Variants in DAAM1 observed in about 807,000 individuals in gnomAD.
DAAM1 encodes dishevelled associated activator of morphogenesis 1.
In DAAM1, 52 loss-of-function variants were observed where a neutral mutation model predicts 130.0. That is an observed-to-expected ratio of 0.40 (90% CI 0.32 to 0.50). DAAM1 has a LOEUF of 0.50. Among genes scored for constraint, DAAM1 ranks in the 20% least tolerant of loss-of-function variants. DAAM1 has a pLI of 0.61. For synonymous variants in DAAM1, 452 were observed against 444.5 expected (o/e 1.02, Z -0.21); for missense variants, 1,134 against 1,303.8 (o/e 0.87, Z 2.01).
chr14:59,196,660 G>A (rs912706022), intron 1 of DAAM1, among the ~76,000 whole-genome samples: 7 of 152,022 alleles, frequency 4.6e-5, no homozygotes. Flanking sequence ...GGAGAATGGC[G>A]TGAACCCGGG....
Position 59,327,402 on chromosome 14 carries a change from C to CTTTTTTTTTTTTTTTTTTT in DAAM1, c.1372+417_1372+435dup, listed in dbSNP as rs386381493. Reference sequence around the variant, plus strand: ...AAGAGAAGAACAGGTCACTTGGTTTCTTTTTTTTTTTTTTTTTTTTTTTTG... The same window carrying CTTTTTTTTTTTTTTTTTTT: ...AAGAGAAGAACAGGTCACTTGGTTTCTTTTTTTTTTTTTTTTTTTTTTTTTTTTTTTTTTTTTTTTTTTG... On this transcript the variant is annotated intron_variant, in intron 12 of 24. Coordinates refer to ENST00000360909, the MANE Select transcript of DAAM1 (RefSeq NM_001270520.2). Among the ~76,000 whole-genome samples, 161 of 58,986 alleles carry CTTTTTTTTTTTTTTTTTTT rather than the reference C, an allele frequency of 2.7e-3. 31 individuals carry two copies. Among genetic ancestry groups the CTTTTTTTTTTTTTTTTTTT allele is most frequent in the African/African-American group, 3.9e-3 (50 of 12,916 alleles). The allele number at this position is 58,986 out of a possible 152,430, so 38.7% of individuals were successfully genotyped here. A position where few individuals can be genotyped will look rare whatever the true frequency, so the allele number is the denominator to read the frequency against.
At chr14:59,268,787 C>T (rs1187545395) in intron 2 of DAAM1, among the ~76,000 whole-genome samples, 1 of 152,184 alleles carries the variant, frequency 6.6e-6, no homozygotes, top group Non-Finnish European at 1.5e-5. Flanking sequence ...TCCCCTCTCC[C>T]AGTCTTCCTC....
At chr14:59,226,596 G>A (rs1371180516) in intron 1 of DAAM1, among the ~76,000 whole-genome samples, 1 of 152,178 alleles carries the variant, frequency 6.6e-6, no homozygotes, top group Non-Finnish European at 1.5e-5. Context: ...GTCATTCCTT[G>A]TAAAGTCAAT....
intron 1 of DAAM1, among the ~76,000 whole-genome samples, chr14:59,203,353 T>C (rs1424569167): frequency 6.6e-6 from 1 of 152,048 alleles, no homozygotes; most frequent in Non-Finnish European, 1.5e-5. Context: ...GACATATTTG[T>C]GAATCTCCTA....
At chr14:59,258,099 G>A (rs1385604141) in intron 1 of DAAM1, among the ~76,000 whole-genome samples, 1 of 152,152 alleles carries the variant, frequency 6.6e-6, no homozygotes, top group African/African-American at 2.4e-5. Flanking sequence ...AAAGCACACA[G>A]GCATCTTTTC....
intron 1 of DAAM1, among the ~76,000 whole-genome samples, chr14:59,222,091 G>C (rs1888789523): frequency 6.6e-6 from 1 of 152,172 alleles, no homozygotes; most frequent in Non-Finnish European, 1.5e-5. Flanking sequence ...ATGTAACTGA[G>C]TCTTCAGAAG....
At position 59,332,661 on chromosome 14, in the gene DAAM1, A is replaced by C. The variant is rs141185902; in HGVS notation, c.1968+741A>C. ...AGAGGGCATCGTGATACAGCCTCTTAAAGTTAGACCAGAAGAGAACACAGC... is the reference window on the plus strand; with the variant it reads ...AGAGGGCATCGTGATACAGCCTCTTCAAGTTAGACCAGAAGAGAACACAGC... On this transcript the variant is annotated intron_variant, in intron 15 of 24. Transcript: ENST00000360909. 8.9e-3 allele frequency among the ~76,000 whole-genome samples: 1,355 copies of C among 152,318 alleles called. 25 individuals are homozygous for C. Among genetic ancestry groups the C allele is most frequent in the African/African-American group, 0.031 (1,305 of 41,568 alleles).
intron 1 of DAAM1, among the ~76,000 whole-genome samples, chr14:59,198,439 T>C (rs977743636): frequency 2.6e-5 from 4 of 152,154 alleles, no homozygotes; most frequent in Non-Finnish European, 2.9e-5. Context: ...CTCCTGACCT[T>C]GTGATCCGCC....
chr14:59,296,524 A>G (rs761779679), intron 3 of DAAM1, among the ~76,000 whole-genome samples: 19 of 152,206 alleles, frequency 1.2e-4, no homozygotes, highest in Non-Finnish European at 2.4e-4. Context: ...GGAGAAGCAG[A>G]TAGAATCAAA....
Position 59,371,351 on chromosome 14 carries a change from A to G in DAAM1, c.*2492A>G, listed in dbSNP as rs541853570. The stretch of plus-strand genomic sequence containing the variant: ...AAAAGTATGTGTTATGAGACTGTAC[A>G]TGTTTTTTTAAAAATAGCAATATGC... On this transcript the variant is annotated 3_prime_UTR_variant, in exon 25 of 25. Coordinates refer to ENST00000360909, the MANE Select transcript of DAAM1 (RefSeq NM_001270520.2). 23 of 152,228 alleles carry G rather than the reference A, an allele frequency of 1.5e-4. No homozygotes were observed. The highest frequency in any genetic ancestry group is 5.5e-4 in the African/African-American group (23 of 41,530). The allele number at this position is 152,228 out of a possible 1,614,324, so 9.4% of individuals were successfully genotyped here.
intron 1 of DAAM1, among the ~76,000 whole-genome samples, chr14:59,237,148 G>A (rs1397060310): frequency 6.6e-6 from 1 of 152,148 alleles, no homozygotes; most frequent in African/African-American, 2.4e-5. Context: ...TGGAAAGGGT[G>A]GATTGGAAGA....
chr14:59,243,766 A>G (rs1157831699), intron 1 of DAAM1, among the ~76,000 whole-genome samples: 1 of 151,986 alleles, frequency 6.6e-6, no homozygotes, highest in Non-Finnish European at 1.5e-5. Flanking sequence ...TGTTTCATAT[A>G]TTTTGCCTGT....
intron 23 of DAAM1, among the ~76,000 whole-genome samples, chr14:59,365,679 A>C (rs1477503878): frequency 1.3e-5 from 2 of 152,238 alleles, no homozygotes; most frequent in South Asian, 4.1e-4. Context: ...ATCTAACAAT[A>C]TAACAAAGGC....
At chr14:59,285,575 AAAG>A (rs1263669275) in intron 2 of DAAM1, among the ~76,000 whole-genome samples, 1 of 152,152 alleles carries the variant, frequency 6.6e-6, no homozygotes, top group African/African-American at 2.4e-5. Context: ...GCTCAAAGTA[AAAG>A]AAGTGTCAGG....
intron 1 of DAAM1, among the ~76,000 whole-genome samples, chr14:59,237,477 CTAATGTGGAA>C: frequency 6.6e-6 from 1 of 152,088 alleles, no homozygotes; most frequent in African/African-American, 2.4e-5. Flanking sequence ...TGCATTTAGG[CTAATGTGGAA>C]TAATTTACAT....
In DAAM1 at chr14:59,367,299, G is replaced by GAAAGAAAT; in HGVS notation, c.2827-127_2827-126insGAAATAAA. The GAAAGAAAT allele has an allele frequency of 1.1e-5, 15 of 1,406,334 alleles. No individual in the cohort carries two copies. The South Asian group carries it at 2.5e-4, about 24-fold the overall frequency. 87.1% of individuals were successfully genotyped at this position (1,406,334 alleles called of 1,614,324 possible). On this transcript the variant is annotated intron_variant, in intron 23 of 24. Coordinates refer to ENST00000360909, the MANE Select transcript of DAAM1 (RefSeq NM_001270520.2). ...AAACTCCATCTCCAAAAGAAAGAAAGAAATAAAAATAAATGAGCAAACAAA... is the reference window on the plus strand; with the variant it reads ...AAACTCCATCTCCAAAAGAAAGAAAGAAAGAAATAAATAAAAATAAATGAGCAAACAAA...
intron 2 of DAAM1, among the ~76,000 whole-genome samples, chr14:59,287,212 C>A (rs1347420172): frequency 6.6e-6 from 1 of 152,082 alleles, no homozygotes; most frequent in East Asian, 1.9e-4. Context: ...CAGAAGAGGC[C>A]TTTGATAAAA....
chr14:59,315,546 G>A (rs1344919715), intron 4 of DAAM1, among the ~76,000 whole-genome samples, 195 bp downstream of exon 4: 1 of 152,112 alleles, frequency 6.6e-6, no homozygotes, highest in Non-Finnish European at 1.5e-5. Context: ...TTTCCAGTAT[G>A]TTTTAAATAA....
chr14:59,363,486 GAGGAAGGGC>G, intron 22 of DAAM1, 156 bp from the exon 23 acceptor site: 1 of 930,562 alleles, frequency 1.1e-6, no homozygotes, highest in Non-Finnish European at 1.6e-6. Context: ...GGCATGGTGG[GAGGAAGGGC>G]AGGGGCACTA....
Sources: gnomAD v4.1 joint callset for allele counts (sites outside exome capture counted in the v4.1 genomes callset) on GRCh38, gnomAD v4.1.1 for gene constraint, MANE v1.5 for transcripts, NCBI Gene and HGNC (gene_info 2026-07-23, HGNC 2026-07-21) for gene names.